AKNA: variants seen among roughly 807,000 people sequenced by gnomAD.
The protein encoded by AKNA is AT-hook transcription factor, also known as microtubule organization protein AKNA.
In AKNA, 67 loss-of-function variants were observed where a neutral mutation model predicts 138.8. The observed-to-expected ratio is 0.48, with a 90% CI of 0.40 to 0.59. The LOEUF is 0.59. Among genes scored for constraint, AKNA ranks in the 20% least tolerant of loss-of-function variants. The probability of loss-of-function intolerance (pLI) is 0.00; values close to 1 mark genes in which losing one functional copy is unlikely to be tolerated. For missense variants in AKNA, 1,813 were observed against 1,880.4 expected (o/e 0.96, Z 0.66); for synonymous variants, 737 against 754.4 (o/e 0.98, Z 0.38).
intron 8 of AKNA, 47 bp from the exon 9 acceptor site, chr9:114,361,958 A>G (rs753979884): frequency 5.0e-6 from 8 of 1,584,780 alleles, no homozygotes; most frequent in Non-Finnish European, 6.0e-6. Flanking sequence ...TGGCAGCTAC[A>G]TCAGGCAGGT....
At chr9:114,340,966 G>A (rs140662486) in intron 21 of AKNA, among the ~76,000 whole-genome samples, 131 of 152,276 alleles carry the variant, frequency 8.6e-4, no homozygotes, top group Middle Eastern at 3.4e-3. Flanking sequence ...GAGGAAAACG[G>A]CCTGAAGGAA....
At chr9:114,333,827 G>C (rs1379836178), downstream of AKNA, among the ~76,000 whole-genome samples, 1 of 150,908 alleles carries the variant, frequency 6.6e-6, no homozygotes, top group African/African-American at 2.5e-5. Context: ...AGGAGTGGAG[G>C]TGTGATATTG....
chr9:114,372,466 A>G (rs964857487), intron 4 of AKNA, among the ~76,000 whole-genome samples: 3 of 152,156 alleles, frequency 2.0e-5, no homozygotes, highest in Admixed American at 6.5e-5. Context: ...ACACCTTTAT[A>G]ATATTCCCTA....
chr9:114,332,435 T>A (rs1829870435), downstream of AKNA, among the ~76,000 whole-genome samples: 2 of 152,168 alleles, frequency 1.3e-5, no homozygotes, highest in Non-Finnish European at 2.9e-5. Flanking sequence ...AACCTGTGTT[T>A]GGAAGACTTG....
Position 114,381,417 on chromosome 9 carries a change from C to T in AKNA, c.-84G>A, listed in dbSNP as rs1028522613. The stretch of plus-strand genomic sequence containing the variant: ...AGGGGCCCCAGAGTCACCGCTGGTT[C>T]CTGTCAGCATCGGCCATCCTGCCTG... On this transcript the variant is annotated 5_prime_UTR_variant, in exon 2 of 22. Coordinates refer to ENST00000374088, the MANE Select transcript of AKNA (RefSeq NM_001317950.2). 3.5e-6 allele frequency: 5 copies of T among 1,444,838 alleles called. No homozygotes were observed. The highest frequency in any genetic ancestry group is 2.8e-5 in the Admixed American group (1 of 35,090). 89.5% of individuals were successfully genotyped at this position (1,444,838 alleles called of 1,614,324 possible). A position where few individuals can be genotyped will look rare whatever the true frequency, so the allele number is the denominator to read the frequency against.
In AKNA at chr9:114,356,929, A is replaced by G. The variant is rs1564630514; in HGVS notation, c.2780T>C (p.Val927Ala). ...MASPETDSGFVGSETSRVSPL... is the reference protein window; with the variant it reads ...MASPETDSGFAGSETSRVSPL... The stretch of plus-strand genomic sequence containing the variant: ...TGAAACTCTGCTTGTTTCTGAGCCC[A>G]CAAAGCCACTGTCTGTCTCTGGGGA... The change falls in exon 13 of 22, where the codon GTG (valine) becomes GCG (alanine). Residue 927 changes from valine to alanine, a missense_variant. Transcript: ENST00000374088. 1 of 1,575,358 alleles carries G rather than the reference A, an allele frequency of 6.3e-7. No homozygotes were observed. The highest frequency in any genetic ancestry group is 1.9e-5 in the Admixed American group (1 of 52,854).
chr9:114,350,863 G>C lies in AKNA; in HGVS notation c.3217C>G (p.Arg1073Gly). 1.3e-6 allele frequency: 2 copies of C among 1,561,988 alleles called. No individual in the cohort carries two copies. The highest frequency in any genetic ancestry group is 1.7e-6 in the Non-Finnish European group (2 of 1,154,464). The change falls in exon 15 of 22, where the codon CGA becomes GGA. Residue 1073 changes from arginine (R) to glycine (G), a missense_variant. Arg to Gly is a moderately radical substitution (Grantham distance 125). Transcript: ENST00000374088. ...GGATCCAAGTGTCTAACTTACTCTC[G>C]CCCTGCCCTGGTGAGCAGGAAGCTG... ...IPSFLLTRAG[R>G]DQAICELQEE... is the part of the protein sequence containing the mutation.
intron 15 of AKNA, chr9:114,349,050 G>C (rs577440837): frequency 2.3e-6 from 1 of 441,050 alleles, no homozygotes; most frequent in African/African-American, 2.0e-5. Context: ...AATCCCCAGG[G>C]AGACGCTTGC....
chr9:114,342,216 T>C, intron 19 of AKNA, 91 bp from the exon 20 acceptor site: 2 of 926,202 alleles, frequency 2.2e-6, no homozygotes, highest in Non-Finnish European at 3.2e-6. Flanking sequence ...CACTGAGCTC[T>C]CCTCGGGACC....
chr9:114,347,779 G>A lies in AKNA; in HGVS notation c.3343C>T (p.Arg1115Trp), dbSNP rs545438910. 67 of 1,547,586 alleles carry A rather than the reference G, an allele frequency of 4.3e-5. No homozygotes were observed. The East Asian group carries it at 9.7e-4, about 22-fold the overall frequency. Residue 1115 changes from arginine (R) to tryptophan (W), a missense_variant, in exon 16 of 22, where the codon CGG becomes TGG. Transcript: ENST00000374088. ...RPASAFDRPA[R>W]TRGRPADSPA... ...GAGTCTGCTGGCCGGCCGCGGGTCC[G>A]GGCGGGGCGGTCAAAGGCAGATGCT...
In AKNA at chr9:114,343,798, C is replaced by T. The variant is rs373022948; in HGVS notation, c.3667G>A (p.Glu1223Lys). 4.9e-5 allele frequency: 78 copies of T among 1,605,642 alleles called. No individual in the cohort carries two copies. The highest frequency in any genetic ancestry group is 2.1e-4 in the African/African-American group (16 of 74,764). The change falls in exon 19 of 22, where the codon GAA becomes AAA. Residue 1223 changes from glutamate (E) to lysine (K), a missense_variant. By Grantham distance (56) the Glu-to-Lys change is moderately conservative (BLOSUM62 1). Transcript: ENST00000374088. ...GCCTTAGGGGACAGAACATGGTATT[C>T]GTGGCCTGGGGAAAGAAACCAGAAC... ...VTFRGQYTGH[E>K]YHVLSPKAVP...
Position 114,381,321 on chromosome 9 carries a change from C to A in AKNA, c.13G>T (p.Glu5Ter). 4 of 1,595,132 alleles carry A rather than the reference C, an allele frequency of 2.5e-6. No homozygotes were observed. Among genetic ancestry groups the A allele is most frequent in the Non-Finnish European group, 3.4e-6 (4 of 1,170,226 alleles). MASS[E>*]TEIRWAEPGL... Reference sequence around the variant, plus strand: ...GGCTCAGCCCAGCGGATCTCAGTCTCCGAGCTGGCCATTGGGGCTGGCCTG... The same window carrying A: ...GGCTCAGCCCAGCGGATCTCAGTCTACGAGCTGGCCATTGGGGCTGGCCTG... The change falls in exon 2 of 22, where the codon GAG (glutamate) becomes TAG (stop). Residue 5 changes from glutamate (E) to a stop codon, truncating the protein, a stop_gained. Transcript: ENST00000374088. LOFTEE classifies it high-confidence loss of function.
chr9:114,348,876 G>A (rs1274026692), intron 15 of AKNA: 1 of 456,328 alleles, frequency 2.2e-6, no homozygotes, highest in Non-Finnish European at 4.4e-6. Context: ...TCCCACTGGG[G>A]CCGTTCTTGC....
In AKNA at chr9:114,338,037, G is replaced by T. The variant is rs1453209014; in HGVS notation, c.4068-731C>A. On this transcript the variant is annotated intron_variant, in intron 21 of 21. Transcript: ENST00000374088. Reference sequence around the variant, plus strand: ...GGAAACCAGCAGTGGGCAAGAGGGGGTGTGGCCTCAGCACTGTTAAATAAA... The same window carrying T: ...GGAAACCAGCAGTGGGCAAGAGGGGTTGTGGCCTCAGCACTGTTAAATAAA... Among the ~76,000 whole-genome samples the T allele has an allele frequency of 3.3e-5, 5 of 152,302 alleles. No individual in the cohort carries two copies. The South Asian group carries it at 6.2e-4, about 19-fold the overall frequency.
chr9:114,386,281 A>G (rs1307716138), intron 1 of AKNA, among the ~76,000 whole-genome samples: 1 of 152,212 alleles, frequency 6.6e-6, no homozygotes, highest in African/African-American at 2.4e-5. Context: ...GGTGGGGGGT[A>G]GTACAATACA....
intron 12 of AKNA, among the ~76,000 whole-genome samples, chr9:114,357,298 C>G (rs1450519189): frequency 6.6e-6 from 1 of 152,204 alleles, no homozygotes; most frequent in African/African-American, 2.4e-5. Context: ...TCCAGTGTCT[C>G]CTGGCTTAGG....
Position 114,356,051 on chromosome 9 carries a change from G to T in AKNA, c.2932C>A (p.Pro978Thr), listed in dbSNP as rs1489661333. ...GTGCTGGGCTCTGTGGCTCTTCTGG[G>T]AATCAGAGAACCCCTGGCCTTGGGG... ...SYPKARGSLI[P>T]RRATEPSTPR... The change falls in exon 14 of 22, where the codon CCC becomes ACC. Residue 978 changes from proline to threonine, a missense_variant. Pro to Thr is a conservative substitution (Grantham distance 38). Transcript: ENST00000374088. 6.2e-7 allele frequency: 1 copy of T among 1,614,020 alleles called. No individual in the cohort carries two copies. The highest frequency in any genetic ancestry group is 8.5e-7 in the Non-Finnish European group (1 of 1,180,032).
rs1833286347 is a variant in AKNA at position 114,377,081 on chromosome 9, G to A, written c.726C>T (p.His242=). ...AETLPEGPSH[H]LLSPDGRTGG... ...CAGTTCTGCCATCTGGGCTTAGGAGGTGGTGGCTGGGGCCCTCTGGCAAGG... is the reference window on the plus strand; with the variant it reads ...CAGTTCTGCCATCTGGGCTTAGGAGATGGTGGCTGGGGCCCTCTGGCAAGG... The change falls in exon 3 of 22, where the codon CAC becomes CAT. Residue 242 remains histidine (H), a synonymous_variant. Coordinates refer to ENST00000374088, the MANE Select transcript of AKNA (RefSeq NM_001317950.2). 6.2e-7 allele frequency: 1 copy of A among 1,614,052 alleles called. No individual in the cohort carries two copies. Among genetic ancestry groups the A allele is most frequent in the Admixed American group, 1.7e-5 (1 of 60,014 alleles).
At chr9:114,397,055 G>A (rs181482432), upstream of AKNA, among the ~76,000 whole-genome samples, 11 of 152,302 alleles carry the variant, frequency 7.2e-5, no homozygotes, top group African/African-American at 2.4e-4. Context: ...GACGGTGGGA[G>A]CTGATGAAAT....
Sources: allele counts gnomAD v4.1 joint callset (sites outside exome capture counted in the v4.1 genomes callset), GRCh38; gene constraint gnomAD v4.1.1; transcripts MANE v1.5; gene names NCBI Gene and HGNC (gene_info 2026-07-23, HGNC 2026-07-21).